USH2A: variants seen among roughly 807,000 people sequenced by gnomAD.
The protein encoded by USH2A is usherin, also known as Usher syndrome 2A (autosomal recessive, mild).
Under a neutral mutation model 538.9 loss-of-function variants are expected in USH2A, and 443 were observed. The ratio of observed to expected loss-of-function variants is 0.82; its 90% CI spans 0.76 to 0.89. The LOEUF is 0.89. Ranked by LOEUF, USH2A falls within the 40% of genes least tolerant of loss-of-function variation. USH2A has a pLI of 0.00. For synonymous variants in USH2A, 2,413 were observed against 2,273.5 expected, an observed-to-expected ratio of 1.06 and a Z score of -1.75; for missense variants, 6,633 against 6,324.8, an observed-to-expected ratio of 1.05 and a Z score of -1.65.
At chr1:215,805,748 T>C (rs1191612966) in intron 49 of USH2A, among the ~76,000 whole-genome samples, 2 of 151,576 alleles carry the variant, frequency 1.3e-5, no homozygotes, top group African/African-American at 2.4e-5. Context: ...AGACAGTAGA[T>C]TGTCCCTTCC....
At chr1:215,861,581 G>A (rs753339480) in intron 44 of USH2A, among the ~76,000 whole-genome samples, 7 of 152,146 alleles carry the variant, frequency 4.6e-5, no homozygotes, top group Non-Finnish European at 1.0e-4. Context: ...CTGAGAACAT[G>A]ATCATGTCCT....
intron 51 of USH2A, 101 bp from the exon 52 acceptor site, chr1:215,786,975 C>T (rs533250846): frequency 1.8e-6 from 2 of 1,134,096 alleles, no homozygotes; most frequent in African/African-American, 3.1e-5. Context: ...AATTTTTCCT[C>T]CACTTACTTG....
chr1:216,167,660 AG>A (rs1241772990), intron 21 of USH2A, among the ~76,000 whole-genome samples: 1 of 152,144 alleles, frequency 6.6e-6, no homozygotes. Flanking sequence ...TAAAACCCCA[AG>A]TAAAGGTCAA....
At chr1:216,030,457 T>C (rs1273512219) in intron 32 of USH2A, among the ~76,000 whole-genome samples, 1 of 129,284 alleles carries the variant, frequency 7.7e-6, no homozygotes, top group South Asian at 2.4e-4. Flanking sequence ...TAGATATATA[T>C]CACAGACATA....
At chr1:216,185,282 C>A (rs931499723) in intron 20 of USH2A, among the ~76,000 whole-genome samples, 1 of 151,786 alleles carries the variant, frequency 6.6e-6, no homozygotes, top group Non-Finnish European at 1.5e-5. Context: ...AGCAGCAGTG[C>A]AATACTCTGG....
chr1:216,137,917 A>G lies in USH2A; in HGVS notation c.4627+37335T>C, dbSNP rs192050228. On this transcript the variant is annotated intron_variant, in intron 21 of 71. Transcript: ENST00000307340. ...TTCAATGTGGATGCATTTTGCTAAT[A>G]TGATTGTTTTATATCAACTTAAAAT... 2.0e-5 allele frequency among the ~76,000 whole-genome samples: 3 copies of G among 152,098 alleles called. No homozygotes were observed. The East Asian group carries it at 5.8e-4, about 30-fold the overall frequency.
chr1:216,226,462 G>A (rs746317258), intron 14 of USH2A, among the ~76,000 whole-genome samples: 8 of 152,130 alleles, frequency 5.3e-5, no homozygotes, highest in Non-Finnish European at 1.2e-4. Flanking sequence ...ATCAGAGAAG[G>A]TAGCTTGGTT....
At chr1:216,363,800 C>T (rs1035840965) in intron 4 of USH2A, among the ~76,000 whole-genome samples, 9 of 151,642 alleles carry the variant, frequency 5.9e-5, no homozygotes, top group Non-Finnish European at 1.2e-4. Flanking sequence ...TGACATGAAA[C>T]GTTGTTTATA....
intron 15 of USH2A, among the ~76,000 whole-genome samples, chr1:216,210,138 G>A (rs928584859): frequency 2.6e-5 from 4 of 152,122 alleles, no homozygotes; most frequent in African/African-American, 9.6e-5. Context: ...TCCCCACTCA[G>A]TCGATTAGTA....
Position 215,798,900 on chromosome 1 carries a change from C to T in USH2A, c.9958+7G>A, listed in dbSNP as rs140287624. On this transcript the variant is annotated splice_region_variant and intron_variant, in intron 50 of 71. Coordinates refer to ENST00000307340, the MANE Select transcript of USH2A (RefSeq NM_206933.4). ...CATCTACTGAAAGGTAGACCTGGGC[C>T]CCTTACCTGGAAGGCGATTGTACAC... 1.2e-6 allele frequency: 2 copies of T among 1,614,020 alleles called. No individual in the cohort carries two copies. Among genetic ancestry groups the T allele is most frequent in the African/African-American group, 2.7e-5 (2 of 75,036 alleles).
intron 47 of USH2A, among the ~76,000 whole-genome samples, chr1:215,834,728 G>C (rs575624103): frequency 3.2e-4 from 48 of 149,416 alleles, no homozygotes; most frequent in African/African-American, 1.1e-3. Context: ...GGAATCTTTT[G>C]ATCTGCACAG....
rs188598893 is a variant in USH2A at position 216,149,196 on chromosome 1, G to A, written c.4627+26056C>T. On this transcript the variant is annotated intron_variant, in intron 21 of 71. Transcript: ENST00000307340. ...CCTAGCCCTCATGTCTGTGTGCAGCGGCTGCCGCTGCTTTAATACTGTTAG... is the reference window on the plus strand; with the variant it reads ...CCTAGCCCTCATGTCTGTGTGCAGCAGCTGCCGCTGCTTTAATACTGTTAG... Among the ~76,000 whole-genome samples the A allele has an allele frequency of 8.7e-3, 1,331 of 152,240 alleles. 23 individuals carry two copies. Among genetic ancestry groups the A allele is most frequent in the African/African-American group, 0.029 (1,187 of 41,538 alleles).
chr1:216,248,827 C>T (rs929176884), intron 12 of USH2A, among the ~76,000 whole-genome samples: 13 of 151,998 alleles, frequency 8.6e-5, no homozygotes, highest in African/African-American at 3.1e-4. Flanking sequence ...CTATTCCTAA[C>T]GATAGTCAGG....
chr1:216,155,239 A>G (rs2033914015), intron 21 of USH2A, among the ~76,000 whole-genome samples: 1 of 152,038 alleles, frequency 6.6e-6, no homozygotes, highest in South Asian at 2.1e-4. Context: ...GAGACTAAAA[A>G]CCACCTTCAT....
chr1:216,162,891 G>T (rs1373669643), intron 21 of USH2A, among the ~76,000 whole-genome samples: 1 of 151,822 alleles, frequency 6.6e-6, no homozygotes, highest in Non-Finnish European at 1.5e-5. Context: ...TGTTGGCCAA[G>T]CACCCAAAAA....
chr1:215,665,743 A>G (rs1347086532), intron 64 of USH2A, among the ~76,000 whole-genome samples: 1 of 152,238 alleles, frequency 6.6e-6, no homozygotes, highest in Non-Finnish European at 1.5e-5. Flanking sequence ...CCCAATTTTG[A>G]AAGGGTTGAA....
chr1:215,786,984 T>G, intron 51 of USH2A, 110 bp from the exon 52 acceptor site: 1 of 982,860 alleles, frequency 1.0e-6, no homozygotes, highest in African/African-American at 1.6e-5. Flanking sequence ...TCCACTTACT[T>G]GATGAATGAA....
At chr1:215,755,548 G>A (rs192881842) in intron 58 of USH2A, among the ~76,000 whole-genome samples, 83 of 152,210 alleles carry the variant, frequency 5.5e-4, no homozygotes, top group African/African-American at 1.9e-3. Context: ...TCATCTGACT[G>A]TTTACTGAGT....
At position 216,058,194 on chromosome 1, in the gene USH2A, G is replaced by A. The variant is rs538343593; in HGVS notation, c.6050-9547C>T. Among the ~76,000 whole-genome samples, 9 of 126,242 alleles carry A rather than the reference G, an allele frequency of 7.1e-5. 1 individual carries two copies. Among genetic ancestry groups the A allele is most frequent in the African/African-American group, 2.7e-4 (8 of 29,580 alleles). 82.8% of individuals were successfully genotyped at this position (126,242 alleles called of 152,430 possible). A position where few individuals can be genotyped will look rare whatever the true frequency, so the allele number is the denominator to read the frequency against. On this transcript the variant is annotated intron_variant, in intron 30 of 71. Transcript: ENST00000307340. ...TGTGGGTCTCGCCTATGAACATCCCGCCTCTGCATTGACTTACTGTGGACA... is the reference window on the plus strand; with the variant it reads ...TGTGGGTCTCGCCTATGAACATCCCACCTCTGCATTGACTTACTGTGGACA...
Sources: allele counts gnomAD v4.1 joint callset (sites outside exome capture counted in the v4.1 genomes callset), GRCh38; gene constraint gnomAD v4.1.1; transcripts MANE v1.5; gene names NCBI Gene and HGNC (gene_info 2026-07-23, HGNC 2026-07-21).